Variants in GARRE1 observed in about 807,000 individuals in gnomAD.
GARRE1 encodes the protein granule associated Rac and RHOG effector 1.
A neutral mutation model predicts 103.2 loss-of-function variants in GARRE1; 49 were observed. The ratio of observed to expected loss-of-function variants is 0.47; its 90% confidence interval spans 0.38 to 0.60. The LOEUF (loss-of-function observed/expected upper bound fraction) is 0.60. Among genes scored for constraint, GARRE1 ranks in the 20% least tolerant of loss-of-function variants. The pLI is 0.00. For synonymous variants in GARRE1, 505 were observed against 532.8 expected, an observed-to-expected ratio of 0.95 and a Z score of 0.72; for missense variants, 1,199 against 1,370.5, an observed-to-expected ratio of 0.87 and a Z score of 1.98.
intron 1 of GARRE1, among the ~76,000 whole-genome samples, chr19:34,274,713 G>A (rs1288851514): frequency 1.3e-5 from 2 of 152,184 alleles, no homozygotes; most frequent in Non-Finnish European, 2.9e-5. Context: ...AGCACTTAAG[G>A]TCTATCAGAG....
At chr19:34,293,117 A>G (rs1239507817) in intron 1 of GARRE1, among the ~76,000 whole-genome samples, 1 of 152,220 alleles carries the variant, frequency 6.6e-6, no homozygotes, top group Non-Finnish European at 1.5e-5. Context: ...TAAAGCAGCC[A>G]TATGGCAAAC....
At chr19:34,256,971 G>A (rs1250346706) in intron 1 of GARRE1, among the ~76,000 whole-genome samples, 1 of 151,952 alleles carries the variant, frequency 6.6e-6, no homozygotes, top group African/African-American at 2.4e-5. Context: ...TCCATATGAA[G>A]AGTTCAGGTT....
intron 1 of GARRE1, among the ~76,000 whole-genome samples, chr19:34,295,548 G>A (rs971475936): frequency 9.5e-5 from 8 of 84,156 alleles, no homozygotes; most frequent in African/African-American, 3.4e-4. Context: ...TTTTGTTTTC[G>A]AGACAGGGTC....
intron 1 of GARRE1, among the ~76,000 whole-genome samples, chr19:34,290,874 C>G (rs1197690221): frequency 1.6e-5 from 1 of 63,196 alleles, no homozygotes; most frequent in African/African-American, 6.4e-5. Context: ...AAGCATATTG[C>G]TTTTTTTTTT....
chr19:34,260,555 A>C (rs1438838713), intron 1 of GARRE1, among the ~76,000 whole-genome samples: 1 of 152,010 alleles, frequency 6.6e-6, no homozygotes, highest in East Asian at 1.9e-4. Flanking sequence ...TTATACTTTA[A>C]GTTTTAGGGT....
intron 1 of GARRE1, among the ~76,000 whole-genome samples, chr19:34,284,322 A>T (rs575909088): frequency 1.3e-5 from 2 of 151,824 alleles, no homozygotes; most frequent in South Asian, 4.2e-4. Context: ...ACAGGGTTTC[A>T]CTGTGTTGGC....
intron 1 of GARRE1, among the ~76,000 whole-genome samples, chr19:34,267,365 A>AT (rs938828880): frequency 2.1e-4 from 32 of 151,646 alleles, no homozygotes; most frequent in East Asian, 7.8e-4. Context: ...CACTGGGCTA[A>AT]TTTTTTTTTG....
intron 1 of GARRE1, among the ~76,000 whole-genome samples, chr19:34,289,154 G>T (rs1311883577): frequency 6.6e-6 from 1 of 151,734 alleles, no homozygotes; most frequent in Non-Finnish European, 1.5e-5. Context: ...AGTAAATCTG[G>T]TTGGGCATGG....
chr19:34,274,705 C>A (rs1452044528), intron 1 of GARRE1, among the ~76,000 whole-genome samples: 1 of 152,110 alleles, frequency 6.6e-6, no homozygotes, highest in Admixed American at 6.6e-5. Flanking sequence ...GAGGGCATAG[C>A]ACTTAAGGTC....
chr19:34,321,373 T>C (rs1027852077), intron 3 of GARRE1, among the ~76,000 whole-genome samples: 4 of 151,648 alleles, frequency 2.6e-5, no homozygotes, highest in Admixed American at 2.0e-4. Context: ...AGATTCTTAA[T>C]TGGTCTAACT....
intron 1 of GARRE1, among the ~76,000 whole-genome samples, chr19:34,270,730 A>G (rs2073782271): frequency 1.3e-5 from 2 of 152,188 alleles, no homozygotes; most frequent in South Asian, 4.1e-4. Context: ...AGCTTAATTT[A>G]TGGAGAAAGT....
At chr19:34,313,117 G>C (rs1027675266) in intron 2 of GARRE1, among the ~76,000 whole-genome samples, 1 of 152,146 alleles carries the variant, frequency 6.6e-6, no homozygotes, top group Non-Finnish European at 1.5e-5. Flanking sequence ...TATCCCATGG[G>C]TGATTTCTAC....
chr19:34,293,307 T>C (rs1458668904), intron 1 of GARRE1, among the ~76,000 whole-genome samples: 1 of 152,098 alleles, frequency 6.6e-6, no homozygotes, highest in Non-Finnish European at 1.5e-5. Flanking sequence ...ATTTCAAAAA[T>C]GAAGCACTCT....
intron 2 of GARRE1, among the ~76,000 whole-genome samples, chr19:34,301,261 A>C (rs1478094149): frequency 6.6e-6 from 1 of 152,082 alleles, no homozygotes; most frequent in Non-Finnish European, 1.5e-5. Flanking sequence ...TTGTCTCTAC[A>C]AAAACTAAAA....
rs370640339 is a variant in GARRE1, at chr19:34,310,367, A to G, written c.495+9399A>G. 3.3e-5 allele frequency among the ~76,000 whole-genome samples: 5 copies of G among 152,336 alleles called. No individual in the cohort carries two copies. The East Asian group carries it at 5.8e-4, about 18-fold the overall frequency. ...AGCCCATGTATGGGTTATGTGTCCT[A>G]TGTGTCTGCTGCCTCCCCACTGCCT... On this transcript the variant is annotated intron_variant, in intron 2 of 13. Coordinates refer to ENST00000299505, the MANE Select transcript of GARRE1 (RefSeq NM_014686.5).
At chr19:34,298,724 A>G (rs1453939124) in intron 1 of GARRE1, among the ~76,000 whole-genome samples, 3 of 152,178 alleles carry the variant, frequency 2.0e-5, no homozygotes, top group Non-Finnish European at 4.4e-5. Flanking sequence ...AATAATAATA[A>G]TAAGTTAAAT....
chr19:34,347,926 G>A lies in GARRE1; in HGVS notation c.2571G>A (p.Ala857=), dbSNP rs766714465. The change falls in exon 11 of 14, where the codon GCG becomes GCA. Residue 857 remains alanine, a synonymous_variant. Coordinates refer to ENST00000299505, the MANE Select transcript of GARRE1 (RefSeq NM_014686.5). ...GCTATGTGGCAGGAGTGAGCCAGGC[G>A]ATGCAGCAGAAGCGGCAGGCCCAGC... ...FARYVAGVSQ[A]MQQKRQAQHG... 31 of 1,593,544 alleles carry A rather than the reference G, an allele frequency of 1.9e-5. No homozygotes were observed. Among genetic ancestry groups the A allele is most frequent in the South Asian group, 1.1e-4 (10 of 88,124 alleles).
rs150484700 is a variant in GARRE1 at position 34,258,791 on chromosome 19, A to G, written c.-796+4177A>G. On this transcript the variant is annotated intron_variant, in intron 1 of 13. Coordinates refer to ENST00000299505, the MANE Select transcript of GARRE1 (RefSeq NM_014686.5). ...GGCGACAGAGTAAGACTCCGTCTCA[A>G]AAAAAAAAAGAAAAGAAAATATCAC... 2.6e-3 allele frequency among the ~76,000 whole-genome samples: 392 copies of G among 150,768 alleles called. 1 individual carries two copies. Among genetic ancestry groups the G allele is most frequent in the African/African-American group, 9.4e-3 (389 of 41,218 alleles).
At chr19:34,290,317 CTG>C (rs1011364939) in intron 1 of GARRE1, among the ~76,000 whole-genome samples, 1 of 152,036 alleles carries the variant, frequency 6.6e-6, no homozygotes, top group African/African-American at 2.4e-5. Flanking sequence ...GATTGCACCA[CTG>C]TACTCCAGCC....
Sources: allele counts gnomAD v4.1 joint callset (sites outside exome capture counted in the v4.1 genomes callset), GRCh38; gene constraint gnomAD v4.1.1; transcripts MANE v1.5; gene names NCBI Gene and HGNC (gene_info 2026-07-23, HGNC 2026-07-21).